The following TRAPPC8 variants were observed in gnomAD, a reference collection of about 807,000 sequenced individuals.
TRAPPC8 encodes the protein general sporulation gene 1 homolog.
TRAPPC8 carries 54 observed loss-of-function variants against 174.3 expected under a neutral mutation model. The ratio of observed to expected loss-of-function variants is 0.31; its 90% CI spans 0.25 to 0.39. The LOEUF (loss-of-function observed/expected upper bound fraction) is 0.39. TRAPPC8 is among the 10% of genes least tolerant of loss of function. The pLI, the probability that TRAPPC8 is intolerant of heterozygous loss-of-function variation, is 1.00. For missense variants in TRAPPC8, 1,531 were observed against 1,699.1 expected (o/e 0.90, Z 1.74); for synonymous variants, 630 against 579.9 (o/e 1.09, Z -1.24).
At chr18:31,890,993 G>T in intron 11 of TRAPPC8, 127 bp from the exon 12 acceptor site, 1 of 796,206 alleles carries the variant, frequency 1.3e-6, no homozygotes, top group Non-Finnish European at 1.7e-6. Context: ...AGTATATGAG[G>T]GCAAAGATCA....
At chr18:31,935,548 T>TGGAAAAAAAAAAAAAAAAAA (rs745488703) in intron 1 of TRAPPC8, among the ~76,000 whole-genome samples, 2 of 46,286 alleles carry the variant, frequency 4.3e-5, no homozygotes, top group Non-Finnish European at 7.1e-5. Context: ...AACTCCATCT[T>TGGAAAAAAAAAAAAAAAAAA]AAAAAAAAAA....
intron 1 of TRAPPC8, among the ~76,000 whole-genome samples, chr18:31,935,567 A>AAAAAAAAAAC: frequency 2.1e-5 from 3 of 145,004 alleles, no homozygotes; most frequent in Non-Finnish European, 3.0e-5. Flanking sequence ...AAAAAAAAAA[A>AAAAAAAAAAC]AGCAGGCTTT....
chr18:31,831,282 C>A lies in TRAPPC8; in HGVS notation c.4074-293G>T, dbSNP rs568438908. On this transcript the variant is annotated intron_variant, in intron 28 of 28. Transcript: ENST00000283351. ...AGGAGAGTCACTTGAACCTGGGAGGCGGAGGTTGCAGTGAGCTGAGATTGC... is the reference window on the plus strand; with the variant it reads ...AGGAGAGTCACTTGAACCTGGGAGGAGGAGGTTGCAGTGAGCTGAGATTGC... Among the ~76,000 whole-genome samples the A allele has an allele frequency of 1.0e-3, 152 of 152,202 alleles. No individual in the cohort carries two copies. In the South Asian group the frequency reaches 0.03, roughly 30 times the overall value.
chr18:31,919,253 C>A (rs2037272268), intron 2 of TRAPPC8, among the ~76,000 whole-genome samples: 2 of 152,126 alleles, frequency 1.3e-5, no homozygotes, highest in Non-Finnish European at 2.9e-5. Context: ...ACTTTGGAGG[C>A]TGGGTGCGGT....
intron 25 of TRAPPC8, among the ~76,000 whole-genome samples, chr18:31,848,453 TATATA>T (rs915836276): frequency 2.6e-5 from 4 of 152,196 alleles, no homozygotes; most frequent in African/African-American, 4.8e-5. Flanking sequence ...GTTATACACT[TATATA>T]ATATGATTCT....
rs187972194 is a variant in TRAPPC8, at chr18:31,888,510, A to T, written c.1728+2225T>A. On this transcript the variant is annotated intron_variant, in intron 12 of 28. Transcript: ENST00000283351. Reference sequence around the variant, plus strand: ...TCACAATAGCAGAGACATGGAATCAACCCAAATGCCCATCAATGATAGAAT... The same window carrying T: ...TCACAATAGCAGAGACATGGAATCATCCCAAATGCCCATCAATGATAGAAT... Among the ~76,000 whole-genome samples the T allele has an allele frequency of 7.9e-5, 12 of 152,330 alleles. No homozygotes were observed. The East Asian group carries it at 2.1e-3, about 27-fold the overall frequency.
chr18:31,855,530 T>C (rs1019779479), intron 21 of TRAPPC8, 130 bp downstream of exon 21: 2 of 712,074 alleles, frequency 2.8e-6, no homozygotes, highest in Non-Finnish European at 4.5e-6. Flanking sequence ...GATTTCATAC[T>C]ATTCTACATG....
At chr18:31,850,280 C>T (rs181948334) in intron 24 of TRAPPC8, among the ~76,000 whole-genome samples, 6 of 152,146 alleles carry the variant, frequency 3.9e-5, no homozygotes, top group African/African-American at 1.2e-4. Flanking sequence ...AAAGCCGTCA[C>T]CCCAAAATAA....
In TRAPPC8 at chr18:31,900,931, A is replaced by G. The variant is rs201086504; in HGVS notation, c.1484T>C (p.Ile495Thr). ...ATCTTATATAGTCACCTACTTGCAG[A>G]TATCTCTGTATGTCTGAATTGCTGT... is the stretch of plus-strand genomic sequence containing the variant. Reference protein sequence around the residue: ...MDTAIQTYRDICKNMVLAERC... With the variant: ...MDTAIQTYRDTCKNMVLAERC... Residue 495 changes from isoleucine to threonine, a missense_variant, in exon 10 of 29, where the codon ATC becomes ACC. Physicochemically the swap from Ile to Thr is moderately conservative, Grantham distance 89. Coordinates refer to ENST00000283351, the MANE Select transcript of TRAPPC8 (RefSeq NM_014939.5). 5.0e-6 allele frequency: 8 copies of G among 1,588,402 alleles called. No individual in the cohort carries two copies. The highest frequency in any genetic ancestry group is 1.7e-4 in the Middle Eastern group (1 of 5,990).
rs763484345 is a variant in TRAPPC8 at position 31,874,506 on chromosome 18, G to A, written c.1927C>T (p.Leu643Phe). The A allele has an allele frequency of 6.2e-7, 1 of 1,614,048 alleles. No individual in the cohort carries two copies. The highest frequency in any genetic ancestry group is 1.1e-5 in the South Asian group (1 of 91,088). ...TTGTAAACATAAAGATATTCTCTGAGGAAAGCCCCCTGTTGAGCAGCAGAT... is the reference window on the plus strand; with the variant it reads ...TTGTAAACATAAAGATATTCTCTGAAGAAAGCCCCCTGTTGAGCAGCAGAT... ...KQSAAQQGAF[L>F]REYLYVYKNV... Residue 643 changes from leucine to phenylalanine, a missense_variant, in exon 13 of 29, where the codon CTC (leucine) becomes TTC (phenylalanine). Leu to Phe is a conservative substitution (Grantham distance 22). Coordinates refer to ENST00000283351, the MANE Select transcript of TRAPPC8 (RefSeq NM_014939.5).
chr18:31,841,859 T>C (rs2033119425), intron 26 of TRAPPC8, among the ~76,000 whole-genome samples: 1 of 152,246 alleles, frequency 6.6e-6, no homozygotes, highest in South Asian at 2.1e-4. Context: ...TAACTTTCTC[T>C]AGCTGAATGT....
At chr18:31,878,702 A>AT (rs1202144602) in intron 12 of TRAPPC8, among the ~76,000 whole-genome samples, 3 of 152,344 alleles carry the variant, frequency 2.0e-5, no homozygotes, top group East Asian at 3.9e-4. Flanking sequence ...AAAAGACAAG[A>AT]TCCAAGCATA....
chr18:31,907,580 G>T lies in TRAPPC8; in HGVS notation c.1269C>A (p.Ile423=), dbSNP rs1598719034. ...AAAAACATAAGTCAGCCATTTTCCTGATTTGAAGTTCTGGTGCTTCCGGCG... is the reference window on the plus strand; with the variant it reads ...AAAAACATAAGTCAGCCATTTTCCTTATTTGAAGTTCTGGTGCTTCCGGCG... ...LYPPEAPELQ[I]RKMADLCFLV... Residue 423 remains isoleucine (I), a synonymous_variant, in exon 9 of 29, where the codon ATC becomes ATA. Coordinates refer to ENST00000283351, the MANE Select transcript of TRAPPC8 (RefSeq NM_014939.5). The T allele has an allele frequency of 6.8e-6, 11 of 1,610,502 alleles. No homozygotes were observed. The highest frequency in any genetic ancestry group is 7.6e-6 in the Non-Finnish European group (9 of 1,178,026).
intron 26 of TRAPPC8, among the ~76,000 whole-genome samples, chr18:31,840,073 T>C (rs143509971): frequency 0.011 from 1,658 of 152,132 alleles, 31 homozygotes; most frequent in African/African-American, 0.038. Context: ...CTAATGAAAA[T>C]AGAGGTCAGG....
chr18:31,853,967 G>A (rs1203078752), intron 21 of TRAPPC8, 22 bp from the exon 22 acceptor site: 1 of 1,571,512 alleles, frequency 6.4e-7, no homozygotes, highest in Non-Finnish European at 8.7e-7. Context: ...AAAGATAGGA[G>A]TCATTCAGGA....
chr18:31,942,621 G>T lies in TRAPPC8; in HGVS notation c.144C>A (p.Arg48=). Reference sequence around the variant, plus strand: ...GATACCACATACCCTCGGAAGTGAGGCGGGAGAAGGGCTTAAGCAGCTCCG... The same window carrying T: ...GATACCACATACCCTCGGAAGTGAGTCGGGAGAAGGGCTTAAGCAGCTCCG... ...SFAELLKPFS[R]LTSEVHMRDP... is the part of the protein sequence containing the mutation. The change falls in exon 1 of 29, where the codon CGC becomes CGA. Residue 48 remains arginine (R), a synonymous_variant. Coordinates refer to ENST00000283351, the MANE Select transcript of TRAPPC8 (RefSeq NM_014939.5). 6.2e-7 allele frequency: 1 copy of T among 1,605,834 alleles called. No individual in the cohort carries two copies. Among genetic ancestry groups the T allele is most frequent in the East Asian group, 2.2e-5 (1 of 44,548 alleles).
At chr18:31,880,081 G>GGAA (rs1491132140) in intron 12 of TRAPPC8, among the ~76,000 whole-genome samples, 13 of 52,732 alleles carry the variant, frequency 2.5e-4, no homozygotes, top group African/African-American at 1.1e-3. Flanking sequence ...TGAAACTATT[G>GGAA]AAAAAAAAAA....
In TRAPPC8 at chr18:31,916,314, T is replaced by C; in HGVS notation, c.575A>G (p.Tyr192Cys). The part of the protein sequence containing the change: ...PKWFIPNTLK[Y>C]YVLLHDVSAG... ...ACTTACATCATGTAAAAGTACATAG[T>C]ATTTAAGTGTATTTGGTATAAACCA... Residue 192 changes from tyrosine (Y) to cysteine (C), a missense_variant, in exon 4 of 29, where the codon TAC becomes TGC. Transcript: ENST00000283351. 2 of 1,609,590 alleles carry C rather than the reference T, an allele frequency of 1.2e-6. No homozygotes were observed. The highest frequency in any genetic ancestry group is 2.2e-5 in the East Asian group (1 of 44,548).
At chr18:31,927,181 T>G (rs947016521) in intron 2 of TRAPPC8, among the ~76,000 whole-genome samples, 4 of 152,078 alleles carry the variant, frequency 2.6e-5, no homozygotes, top group African/African-American at 7.2e-5. Flanking sequence ...AATCACAGCT[T>G]TTTGCACCCT....
Sources: gnomAD v4.1 joint callset for allele counts (sites outside exome capture counted in the v4.1 genomes callset) on GRCh38, gnomAD v4.1.1 for gene constraint, MANE v1.5 for transcripts, NCBI Gene and HGNC (gene_info 2026-07-23, HGNC 2026-07-21) for gene names.